Variants in OLFML1 observed in about 807,000 individuals in gnomAD.
OLFML1 encodes olfactomedin-like protein 1.
A neutral mutation model predicts 37.3 loss-of-function variants in OLFML1; 33 were observed. The observed-to-expected ratio is 0.88, with a 90% CI of 0.67 to 1.18. The LOEUF (loss-of-function observed/expected upper bound fraction) is 1.18. OLFML1 is among the 50% of genes most tolerant of loss of function. The pLI is 0.00. For missense variants in OLFML1, 545 were observed against 483.7 expected (o/e 1.13, Z -1.19); for synonymous variants, 186 against 181.3 (o/e 1.03, Z -0.21).
intron 2 of OLFML1, among the ~76,000 whole-genome samples, chr11:7,497,626 A>C (rs1421216228): frequency 1.3e-5 from 2 of 152,184 alleles, no homozygotes; most frequent in Non-Finnish European, 2.9e-5. Context: ...GTCTTTGGGC[A>C]ACATACATCT....
At chr11:7,501,380 A>G (rs1293114075) in intron 2 of OLFML1, among the ~76,000 whole-genome samples, 4 of 152,134 alleles carry the variant, frequency 2.6e-5, no homozygotes, top group Non-Finnish European at 4.4e-5. Context: ...TTCGCTTCCT[A>G]TAACCGAGGC....
chr11:7,488,502 G>A, intron 2 of OLFML1, 87 bp downstream of exon 2: 1 of 1,025,738 alleles, frequency 9.7e-7, no homozygotes, highest in Middle Eastern at 2.1e-4. Flanking sequence ...GAGCATCATA[G>A]AGTAATGAGA....
intron 2 of OLFML1, among the ~76,000 whole-genome samples, chr11:7,491,170 A>G (rs575373038): frequency 2.0e-5 from 3 of 151,702 alleles, no homozygotes; most frequent in South Asian, 2.1e-4. Context: ...GCAATCCTTT[A>G]TGACTCAAAA....
chr11:7,485,691 G>T lies in OLFML1; in HGVS notation c.-185G>T. ...TGCCAACAGCTGGACTTGATCACTAGCTGGCAAACTGAGCTCACGTATCGG... is the reference window on the plus strand; with the variant it reads ...TGCCAACAGCTGGACTTGATCACTATCTGGCAAACTGAGCTCACGTATCGG... On this transcript the variant is annotated 5_prime_UTR_variant, in exon 1 of 3. Coordinates refer to ENST00000329293, the MANE Select transcript of OLFML1 (RefSeq NM_198474.4). The T allele has an allele frequency of 1.6e-6, 1 of 629,328 alleles. No homozygotes were observed. Among genetic ancestry groups the T allele is most frequent in the South Asian group, 2.1e-5 (1 of 48,626 alleles). 39.0% of individuals were successfully genotyped at this position (629,328 alleles called of 1,614,324 possible).
intron 2 of OLFML1, among the ~76,000 whole-genome samples, chr11:7,503,949 A>G (rs1590062688): frequency 6.6e-6 from 1 of 152,224 alleles, no homozygotes; most frequent in East Asian, 1.9e-4. Flanking sequence ...AATGAAACAG[A>G]TAAGACAAAG....
At position 7,509,703 on chromosome 11, in the gene OLFML1, C is replaced by T; in HGVS notation, c.724C>T (p.Gln242Ter). Residue 242 changes from glutamine (Q) to a stop codon, truncating the protein, a stop_gained, in exon 3 of 3, where the codon CAG (glutamine) becomes TAG (stop). Transcript: ENST00000329293. LOFTEE classifies it high-confidence loss of function. ...TSNEIIKYNLQKRTVEDRMLL... is the reference protein window; with the variant it reads ...TSNEIIKYNL The stretch of plus-strand genomic sequence containing the variant: ...TAATGAGATAATCAAATATAACCTG[C>T]AGAAGAGGACTGTGGAAGATCGAAT... 1.2e-6 allele frequency: 2 copies of T among 1,614,198 alleles called. No individual in the cohort carries two copies. The highest frequency in any genetic ancestry group is 1.7e-6 in the Non-Finnish European group (2 of 1,180,020).
chr11:7,493,189 A>AC (rs1290408994), intron 2 of OLFML1, among the ~76,000 whole-genome samples: 1 of 152,198 alleles, frequency 6.6e-6, no homozygotes, highest in Non-Finnish European at 1.5e-5. Flanking sequence ...AGTAACCTTC[A>AC]CCCTGCCGAA....
At chr11:7,501,052 A>G (rs1173815231) in intron 2 of OLFML1, among the ~76,000 whole-genome samples, 5 of 152,188 alleles carry the variant, frequency 3.3e-5, no homozygotes, top group East Asian at 1.9e-4. Context: ...CTCACAGCCA[A>G]TGGACCTTCC....
chr11:7,490,011 C>T (rs2134175952), intron 2 of OLFML1, among the ~76,000 whole-genome samples: 1 of 151,868 alleles, frequency 6.6e-6, no homozygotes, highest in East Asian at 1.9e-4. Flanking sequence ...GCTGTGTCTC[C>T]AGTGCCTAGA....
intron 2 of OLFML1, among the ~76,000 whole-genome samples, chr11:7,489,350 A>G (rs1468223820): frequency 1.3e-5 from 2 of 152,192 alleles, no homozygotes; most frequent in African/African-American, 4.8e-5. Context: ...GGGTACTTCA[A>G]GTCAGGGCAC....
At chr11:7,508,891 T>G (rs753784782) in intron 2 of OLFML1, among the ~76,000 whole-genome samples, 4 of 152,244 alleles carry the variant, frequency 2.6e-5, no homozygotes, top group Non-Finnish European at 5.9e-5. Context: ...CACACCTAAG[T>G]CATTCTCACT....
intron 2 of OLFML1, among the ~76,000 whole-genome samples, chr11:7,495,625 T>C (rs1179523649): frequency 6.6e-6 from 1 of 152,090 alleles, no homozygotes; most frequent in Non-Finnish European, 1.5e-5. Flanking sequence ...ATATACCTCA[T>C]GCATGCCTGA....
At chr11:7,492,892 C>A (rs1848615640) in intron 2 of OLFML1, among the ~76,000 whole-genome samples, 1 of 152,116 alleles carries the variant, frequency 6.6e-6, no homozygotes, top group African/African-American at 2.4e-5. Context: ...TTGCATTGCA[C>A]TTGATAATTT....
At chr11:7,503,771 G>A (rs1848750097) in intron 2 of OLFML1, among the ~76,000 whole-genome samples, 1 of 152,198 alleles carries the variant, frequency 6.6e-6, no homozygotes, top group African/African-American at 2.4e-5. Flanking sequence ...GTAGGTGAAA[G>A]GGGAAGAGGT....
At position 7,488,327 on chromosome 11, in the gene OLFML1, G is replaced by A. The variant is rs141873065; in HGVS notation, c.330G>A (p.Glu110=). The change falls in exon 2 of 3, where the codon GAG becomes GAA. Residue 110 remains glutamate, a synonymous_variant. Transcript: ENST00000329293. The stretch of plus-strand genomic sequence containing the variant: ...TACAATACCTTCGAGAGGCTGACGA[G>A]TGCATCGAATCAGAGGACAAGACAC... The part of the protein sequence containing the change: ...DYIQYLREAD[E]CIESEDKTLA... 3.1e-6 allele frequency: 5 copies of A among 1,613,960 alleles called. No homozygotes were observed. Among genetic ancestry groups the A allele is most frequent in the African/African-American group, 2.7e-5 (2 of 74,908 alleles).
intron 2 of OLFML1, among the ~76,000 whole-genome samples, chr11:7,490,158 A>C (rs1848578218): frequency 6.6e-6 from 1 of 151,390 alleles, no homozygotes; most frequent in Non-Finnish European, 1.5e-5. Context: ...GAACCAAAAA[A>C]CATCTTATCC....
intron 2 of OLFML1, among the ~76,000 whole-genome samples, chr11:7,504,186 G>A (rs1333127232): frequency 6.6e-6 from 1 of 152,092 alleles, no homozygotes; most frequent in Admixed American, 6.5e-5. Context: ...AGCAAGGGAG[G>A]AAGTCATGTA....
intron 2 of OLFML1, among the ~76,000 whole-genome samples, chr11:7,497,068 C>A (rs1228947771): frequency 1.3e-5 from 2 of 152,120 alleles, no homozygotes; most frequent in Admixed American, 1.3e-4. Context: ...CATTTTCATG[C>A]TTTACGTGAG....
At chr11:7,500,515 G>C (rs1026093984) in intron 2 of OLFML1, among the ~76,000 whole-genome samples, 6 of 152,246 alleles carry the variant, frequency 3.9e-5, no homozygotes, top group Middle Eastern at 3.4e-3. Flanking sequence ...GAGCTCAGAG[G>C]ACCCCATCCC....
Sources: gnomAD v4.1 joint callset for allele counts (sites outside exome capture counted in the v4.1 genomes callset) on GRCh38, gnomAD v4.1.1 for gene constraint, MANE v1.5 for transcripts, NCBI Gene and HGNC (gene_info 2026-07-23, HGNC 2026-07-21) for gene names.